TRHDE: variants seen among roughly 807,000 people sequenced by gnomAD.
TRHDE encodes the protein thyrotropin releasing hormone degrading enzyme, also known as thyrotropin-releasing hormone-degrading ectoenzyme.
A neutral mutation model predicts 125.7 loss-of-function variants in TRHDE; 72 were observed. That is an observed-to-expected ratio of 0.57 (90% CI 0.47 to 0.70). TRHDE has a LOEUF of 0.70. Among genes scored for constraint, TRHDE ranks in the 30% least tolerant of loss-of-function variants. The pLI, the probability that TRHDE is intolerant of heterozygous loss-of-function variation, is 0.00. For synonymous variants in TRHDE, 509 were observed against 509.1 expected, an observed-to-expected ratio of 1.00 and a Z score of 0.00; for missense variants, 1,110 against 1,327.1, an observed-to-expected ratio of 0.84 and a Z score of 2.54.
intron 2 of TRHDE, among the ~76,000 whole-genome samples, chr12:72,160,026 C>A (rs1224411863): frequency 6.6e-6 from 1 of 152,172 alleles, no homozygotes; most frequent in Non-Finnish European, 1.5e-5. Flanking sequence ...TTGTGCTCTT[C>A]TTCTACCATT....
At chr12:72,657,489 G>T (rs1484865251) in intron 18 of TRHDE, among the ~76,000 whole-genome samples, 1 of 152,272 alleles carries the variant, frequency 6.6e-6, no homozygotes, top group South Asian at 2.1e-4. Flanking sequence ...CCTCTTAAAT[G>T]AAACAAATTC....
chr12:72,388,752 TG>T (rs1236854027), intron 3 of TRHDE, among the ~76,000 whole-genome samples: 1 of 152,030 alleles, frequency 6.6e-6, no homozygotes, highest in African/African-American at 2.4e-5. Context: ...TGGTGAAAAA[TG>T]GGTGAGTTAG....
chr12:72,278,555 A>C (rs1386148353), intron 1 of TRHDE, among the ~76,000 whole-genome samples: 1 of 152,062 alleles, frequency 6.6e-6, no homozygotes, highest in East Asian at 1.9e-4. Context: ...TAGTGTACTC[A>C]TTTTCACCAA....
At chr12:72,380,422 A>G (rs771040813) in intron 3 of TRHDE, among the ~76,000 whole-genome samples, 43 of 152,176 alleles carry the variant, frequency 2.8e-4, no homozygotes, top group Non-Finnish European at 4.4e-4. Context: ...GGGGCATGGG[A>G]TAGGGGCTGA....
intron 1 of TRHDE, among the ~76,000 whole-genome samples, chr12:72,089,258 C>G (rs1874737238): frequency 6.6e-6 from 1 of 152,142 alleles, no homozygotes; most frequent in African/African-American, 2.4e-5. Flanking sequence ...CAGCATTGCC[C>G]TCTCCAGTTT....
intron 2 of TRHDE, among the ~76,000 whole-genome samples, chr12:72,204,903 G>A (rs897984386): frequency 6.6e-6 from 1 of 152,158 alleles, no homozygotes; most frequent in Admixed American, 6.5e-5. Flanking sequence ...AGGCAAAAAG[G>A]TCAAGATTAA....
intron 3 of TRHDE, among the ~76,000 whole-genome samples, chr12:72,466,114 C>A (rs906246099): frequency 2.0e-5 from 3 of 152,158 alleles, no homozygotes; most frequent in Admixed American, 1.3e-4. Context: ...CTGCTTAGGT[C>A]ACCAGTGCCT....
intron 2 of TRHDE, among the ~76,000 whole-genome samples, chr12:72,231,371 T>A (rs188885542): frequency 2.6e-5 from 4 of 152,280 alleles, no homozygotes; most frequent in Admixed American, 2.6e-4. Context: ...TTATGCAGTA[T>A]TGACAAAATT....
At position 72,420,400 on chromosome 12, in the gene TRHDE, T is replaced by C. The variant is rs567051969; in HGVS notation, c.1315+42279T>C. On this transcript the variant is annotated intron_variant, in intron 3 of 18. Transcript: ENST00000261180. ...CTTGGGACAGAAAGACTGTCTCATG[T>C]CTGGAAGGTGCAAACTATTTACATA... Among the ~76,000 whole-genome samples the C allele has an allele frequency of 7.9e-5, 12 of 152,278 alleles. No individual in the cohort carries two copies. The East Asian group carries it at 9.7e-4, about 12-fold the overall frequency.
At chr12:72,133,975 G>A (rs1242418106) in intron 2 of TRHDE, among the ~76,000 whole-genome samples, 2 of 152,150 alleles carry the variant, frequency 1.3e-5, no homozygotes, top group African/African-American at 2.4e-5. Flanking sequence ...GTTTGTGCTG[G>A]CAGCTAAAGT....
intron 2 of TRHDE, among the ~76,000 whole-genome samples, chr12:72,155,149 T>A (rs1182216059): frequency 6.6e-6 from 1 of 152,206 alleles, no homozygotes; most frequent in Non-Finnish European, 1.5e-5. Flanking sequence ...TCATTTGATC[T>A]TCCATCACTG....
intron 3 of TRHDE, among the ~76,000 whole-genome samples, chr12:72,439,905 T>C (rs1482175909): frequency 6.6e-6 from 1 of 151,966 alleles, no homozygotes; most frequent in Non-Finnish European, 1.5e-5. Context: ...TTGTCATATA[T>C]AGTCTTTGTT....
At chr12:72,249,379 C>T (rs755810395) in intron 2 of TRHDE, among the ~76,000 whole-genome samples, 2 of 151,998 alleles carry the variant, frequency 1.3e-5, no homozygotes, top group Non-Finnish European at 2.9e-5. Context: ...AAGATTTTAG[C>T]ATAACTTCAC....
intron 13 of TRHDE, among the ~76,000 whole-genome samples, chr12:72,619,779 G>A (rs886313894): frequency 2.0e-5 from 3 of 152,000 alleles, no homozygotes; most frequent in Non-Finnish European, 2.9e-5. Flanking sequence ...TTTAGTTAGC[G>A]TAAGAGCCTG....
intron 6 of TRHDE, among the ~76,000 whole-genome samples, chr12:72,518,854 C>T (rs1361720464): frequency 6.6e-6 from 1 of 152,104 alleles, no homozygotes. Flanking sequence ...GTGACAGAAT[C>T]TCTCAGCATT....
In TRHDE at chr12:72,102,519, C is replaced by T. The variant is rs189517478; in HGVS notation, n.175-3129C>T. On this transcript the variant is annotated intron_variant and non_coding_transcript_variant, in intron 1 of 4. Transcript: ENST00000548156. Reference sequence around the variant, plus strand: ...ATCCCAGCTTGACGCTAACCTTAACCCTAAATTTGGTTATTTATGGCATTA... The same window carrying T: ...ATCCCAGCTTGACGCTAACCTTAACTCTAAATTTGGTTATTTATGGCATTA... 7.2e-5 allele frequency among the ~76,000 whole-genome samples: 11 copies of T among 152,260 alleles called. 1 individual carries two copies. Among genetic ancestry groups the T allele is most frequent in the African/African-American group, 2.6e-4 (11 of 41,546 alleles).
At chr12:72,240,943 G>T (rs1371626926) in intron 2 of TRHDE, among the ~76,000 whole-genome samples, 1 of 151,976 alleles carries the variant, frequency 6.6e-6, no homozygotes, top group Non-Finnish European at 1.5e-5. Context: ...ATTCAATCTA[G>T]AAATTTAGCC....
At chr12:72,636,433 A>G (rs1873754916) in intron 15 of TRHDE, among the ~76,000 whole-genome samples, 2 of 151,740 alleles carry the variant, frequency 1.3e-5, no homozygotes, top group South Asian at 4.2e-4. Context: ...TAGATATACA[A>G]TCATGTTGTC....
intron 17 of TRHDE, among the ~76,000 whole-genome samples, chr12:72,656,254 G>T (rs1874705608): frequency 6.6e-6 from 1 of 152,024 alleles, no homozygotes; most frequent in Admixed American, 6.6e-5. Context: ...CAATCCAAAT[G>T]AACAAGTAGA....
Sources: allele counts gnomAD v4.1 joint callset (sites outside exome capture counted in the v4.1 genomes callset), GRCh38; gene constraint gnomAD v4.1.1; transcripts MANE v1.5; gene names NCBI Gene and HGNC (gene_info 2026-07-23, HGNC 2026-07-21).